Variants in ARHGAP32 observed in about 807,000 individuals in gnomAD.
ARHGAP32 encodes the protein Rho GTPase activating protein 32, also known as rho GTPase-activating protein 32.
A neutral mutation model predicts 186.5 loss-of-function variants in ARHGAP32; 51 were observed. The observed-to-expected ratio is 0.27, with a 90% CI of 0.22 to 0.35. ARHGAP32 has a LOEUF of 0.35. Ranked by LOEUF, ARHGAP32 falls within the 10% of genes least tolerant of loss-of-function variation. The pLI is 1.00. For synonymous variants in ARHGAP32, 950 were observed against 964.3 expected, an observed-to-expected ratio of 0.99 and a Z score of 0.27; for missense variants, 2,186 against 2,623.5, an observed-to-expected ratio of 0.83 and a Z score of 3.64.
chr11:129,251,954 A>G (rs1311647742), intron 1 of ARHGAP32, among the ~76,000 whole-genome samples: 1 of 150,100 alleles, frequency 6.7e-6, no homozygotes, highest in African/African-American at 2.4e-5. Flanking sequence ...AAAAAGTACC[A>G]TTACCACAAA....
intron 1 of ARHGAP32, among the ~76,000 whole-genome samples, chr11:129,206,752 CTT>C (rs796713060): frequency 7.0e-6 from 1 of 143,686 alleles, no homozygotes; most frequent in Admixed American, 7.0e-5. Context: ...GTAAGCCATT[CTT>C]TTTTTTTTTT....
At chr11:129,112,999 G>C (rs1235580882) in intron 5 of ARHGAP32, among the ~76,000 whole-genome samples, 1 of 152,066 alleles carries the variant, frequency 6.6e-6, no homozygotes, top group Non-Finnish European at 1.5e-5. Flanking sequence ...CCTTACAACA[G>C]ATTGAAATGG....
chr11:129,150,100 C>G (rs1356578461), intron 2 of ARHGAP32, among the ~76,000 whole-genome samples: 1 of 134,482 alleles, frequency 7.4e-6, no homozygotes, highest in East Asian at 2.1e-4. Flanking sequence ...CAAATTAACC[C>G]AATCTGACAA....
chr11:129,189,617 G>A (rs1420780774), intron 1 of ARHGAP32, among the ~76,000 whole-genome samples: 1 of 152,116 alleles, frequency 6.6e-6, no homozygotes, highest in Non-Finnish European at 1.5e-5. Context: ...TGACAAGGTA[G>A]GTAATAATAC....
rs529603704 is a variant in ARHGAP32 at position 129,178,524 on chromosome 11, A to T, written c.116+13559T>A. On this transcript the variant is annotated intron_variant, in intron 1 of 22. Coordinates refer to ENST00000682385, the MANE Select transcript of ARHGAP32 (RefSeq NM_001378024.1). ...AAAAGAACAAAGCCGGAGACATCAC[A>T]CTACCTGACTTCAAACTATACTACA... Among the ~76,000 whole-genome samples the T allele has an allele frequency of 1.5e-3, 226 of 152,250 alleles. 1 individual carries two copies. The highest frequency in any genetic ancestry group is 5.0e-3 in the African/African-American group (209 of 41,552).
At chr11:129,037,087 T>C (rs1224324572) in intron 11 of ARHGAP32, among the ~76,000 whole-genome samples, 3 of 152,218 alleles carry the variant, frequency 2.0e-5, no homozygotes, top group Non-Finnish European at 4.4e-5. Flanking sequence ...AAATGAAATG[T>C]TAAAATTCCC....
chr11:129,070,748 A>G (rs923354182), intron 6 of ARHGAP32, among the ~76,000 whole-genome samples: 3 of 152,030 alleles, frequency 2.0e-5, no homozygotes, highest in Non-Finnish European at 4.4e-5. Context: ...ATTCCTAAAA[A>G]TTGACACGTT....
At position 129,123,378 on chromosome 11, in the gene ARHGAP32, A is replaced by G; in HGVS notation, c.444+68T>C. The G allele has an allele frequency of 7.6e-7, 1 of 1,317,394 alleles. No individual in the cohort carries two copies. Among genetic ancestry groups the G allele is most frequent in the Non-Finnish European group, 1.1e-6 (1 of 926,818 alleles). The allele number at this position is 1,317,394 out of a possible 1,614,324, so 81.6% of individuals were successfully genotyped here. On this transcript the variant is annotated intron_variant, in intron 5 of 22. Coordinates refer to ENST00000682385, the MANE Select transcript of ARHGAP32 (RefSeq NM_001378024.1). This position sits in a 1 kb window ranked among gnomAD's most constrained non-coding sequence, Gnocchi z 4.6. ...TCATCTATTAGATACAGATATATAG[A>G]TAAGCATCTAGATATAAAGGTAAAT...
chr11:129,080,584 T>C (rs956693122), intron 6 of ARHGAP32, among the ~76,000 whole-genome samples: 6 of 152,086 alleles, frequency 3.9e-5, no homozygotes, highest in Non-Finnish European at 8.8e-5. Context: ...TATCAAAACC[T>C]TTTGGATACA....
rs1189780896 is a variant in ARHGAP32 at position 128,972,817 on chromosome 11, TAAG to T, written c.3686_3688del (p.Ser1229del). ...GAGTTTATCCACACTTGCACCAAGA[TAAG>T]AAGGAGGCTGATCTCCACTGTAGAA... On this transcript the variant is annotated inframe_deletion, in exon 22 of 23. Coordinates refer to ENST00000682385, the MANE Select transcript of ARHGAP32 (RefSeq NM_001378024.1). 1.2e-6 allele frequency: 2 copies of T among 1,613,914 alleles called. No homozygotes were observed. The highest frequency in any genetic ancestry group is 3.3e-5 in the Admixed American group (2 of 59,984).
intron 1 of ARHGAP32, among the ~76,000 whole-genome samples, chr11:129,251,262 G>A (rs911944795): frequency 5.3e-5 from 8 of 152,030 alleles, no homozygotes; most frequent in Admixed American, 6.5e-5. Flanking sequence ...AATGAAATAC[G>A]ATGTGCTCCA....
intron 5 of ARHGAP32, among the ~76,000 whole-genome samples, chr11:129,094,667 G>A (rs115931917): frequency 0.011 from 1,726 of 152,240 alleles, 32 homozygotes; most frequent in African/African-American, 0.039. Flanking sequence ...TATCTAGGCT[G>A]AGTATTAATT....
intron 1 of ARHGAP32, among the ~76,000 whole-genome samples, chr11:129,229,660 G>T (rs1944832566): frequency 6.6e-6 from 1 of 152,122 alleles, no homozygotes; most frequent in Non-Finnish European, 1.5e-5. Context: ...GACTAGGCTA[G>T]GGGCCACAGG....
intron 10 of ARHGAP32, among the ~76,000 whole-genome samples, chr11:129,055,851 T>C (rs997828355): frequency 1.1e-4 from 16 of 152,236 alleles, no homozygotes; most frequent in Admixed American, 1.0e-3. Context: ...GGATACATGC[T>C]ATTACACATT....
chr11:128,986,417 G>A (rs1945873750), intron 14 of ARHGAP32, 107 bp downstream of exon 14: 1 of 1,235,592 alleles, frequency 8.1e-7, no homozygotes, highest in Non-Finnish European at 1.1e-6. Flanking sequence ...AGTCATTTCA[G>A]TCACAGAACT....
At chr11:129,205,528 T>A (rs1944504911) in intron 1 of ARHGAP32, among the ~76,000 whole-genome samples, 1 of 152,124 alleles carries the variant, frequency 6.6e-6, no homozygotes, top group Admixed American at 6.5e-5. Flanking sequence ...TCTGTGCCAC[T>A]TATTACCTAT....
At chr11:129,040,145 C>A (rs575934444) in intron 11 of ARHGAP32, among the ~76,000 whole-genome samples, 106 of 151,804 alleles carry the variant, frequency 7.0e-4, no homozygotes, top group African/African-American at 2.5e-3. Context: ...TTAACTCTTA[C>A]ATACAGGTCC....
intron 10 of ARHGAP32, among the ~76,000 whole-genome samples, chr11:129,061,915 G>A (rs1052798742): frequency 4.6e-5 from 7 of 152,062 alleles, no homozygotes; most frequent in Non-Finnish European, 7.4e-5. Flanking sequence ...CCTTTTTATA[G>A]AGAAATATTA....
chr11:128,970,404 C>T lies in ARHGAP32; in HGVS notation c.4809G>A (p.Pro1603=), dbSNP rs531130281. 3.3e-5 allele frequency: 54 copies of T among 1,614,108 alleles called. No individual in the cohort carries two copies. The highest frequency in any genetic ancestry group is 2.7e-4 in the Admixed American group (16 of 60,020). ...TIRRVQSLHA[P]PSSMIRSVPI... is the part of the protein sequence containing the mutation. ...GAACAGAGCGAATCATGGAAGACGG[C>T]GGAGCATGGAGAGACTGCACTCTCC... Residue 1603 remains proline, a synonymous_variant, in exon 23 of 23, where the codon CCG becomes CCA. Coordinates refer to ENST00000682385, the MANE Select transcript of ARHGAP32 (RefSeq NM_001378024.1). The surrounding 1 kb of genome is among the most constrained non-coding windows in gnomAD (Gnocchi z 5.8).
Sources: allele counts gnomAD v4.1 joint callset (sites outside exome capture counted in the v4.1 genomes callset), GRCh38; gene constraint gnomAD v4.1.1; non-coding constraint Gnocchi (gnomAD v3.1); transcripts MANE v1.5; gene names NCBI Gene and HGNC (gene_info 2026-07-23, HGNC 2026-07-21).